DOP1B: variants seen among roughly 807,000 people sequenced by gnomAD.
The protein encoded by DOP1B is protein DOP1B.
Under a neutral mutation model 233.5 loss-of-function variants are expected in DOP1B, and 174 were observed. That is an observed-to-expected ratio of 0.75 (90% CI 0.66 to 0.85). The LOEUF (loss-of-function observed/expected upper bound fraction) is 0.85, where lower values mean the gene tolerates loss of function less well. Among genes scored for constraint, DOP1B ranks in the 40% least tolerant of loss-of-function variants. The pLI, the probability that DOP1B is intolerant of heterozygous loss-of-function variation, is 0.00. For synonymous variants in DOP1B, 1,190 were observed against 1,185.6 expected (o/e 1.00, Z -0.08); for missense variants, 2,652 against 2,846.6 (o/e 0.93, Z 1.56).
chr21:36,242,151 C>CATTATTGTTGTTGTTATT (rs60892353), intron 18 of DOP1B, among the ~76,000 whole-genome samples: 27 of 143,982 alleles, frequency 1.9e-4, no homozygotes, highest in South Asian at 1.1e-3. Context: ...GTTCCTTGGG[C>CATTATTGTTGTTGTTATT]ATTATTATTA....
At chr21:36,269,296 C>A (rs562052851) in intron 26 of DOP1B, among the ~76,000 whole-genome samples, 1 of 151,928 alleles carries the variant, frequency 6.6e-6, no homozygotes, top group African/African-American at 2.4e-5. Flanking sequence ...GCTGGGATTA[C>A]AGGCATGCAC....
rs560647867 is a variant in DOP1B at position 36,262,308 on chromosome 21, C to T, written c.5316-1238C>T. On this transcript the variant is annotated intron_variant, in intron 24 of 36. Coordinates refer to ENST00000691173, the MANE Select transcript of DOP1B (RefSeq NM_001320714.2). Reference sequence around the variant, plus strand: ...CCAGGAGCTGCAGGTTAGATTTGGTCATCCTCCTTTTGCAGAGGAGAAACC... The same window carrying T: ...CCAGGAGCTGCAGGTTAGATTTGGTTATCCTCCTTTTGCAGAGGAGAAACC... Among the ~76,000 whole-genome samples, 27 of 152,320 alleles carry T rather than the reference C, an allele frequency of 1.8e-4. No homozygotes were observed. The South Asian group carries it at 5.4e-3, about 30-fold the overall frequency.
At chr21:36,261,050 T>C (rs2067164435) in intron 24 of DOP1B, 1 of 1,077,500 alleles carries the variant, frequency 9.3e-7, no homozygotes. Flanking sequence ...TATAGGGAAG[T>C]GTTAAAGACC....
At chr21:36,225,755 C>A in intron 12 of DOP1B, 88 bp downstream of exon 12, 1 of 1,328,036 alleles carries the variant, frequency 7.5e-7, no homozygotes, top group Non-Finnish European at 1.1e-6. Flanking sequence ...CCTCACATTA[C>A]TGAAAATGTT....
At chr21:36,190,385 C>T (rs564496844) in intron 2 of DOP1B, among the ~76,000 whole-genome samples, 1 of 148,268 alleles carries the variant, frequency 6.7e-6, no homozygotes, top group Admixed American at 6.8e-5. Context: ...TTTTCCTGGC[C>T]AGTTCATCTC....
rs139244798 is a variant in DOP1B, at chr21:36,223,901, G to A, written c.1370+551G>A. Among the ~76,000 whole-genome samples the A allele has an allele frequency of 1.2e-4, 19 of 152,092 alleles. No homozygotes were observed. The East Asian group carries it at 2.7e-3, about 22-fold the overall frequency. On this transcript the variant is annotated intron_variant, in intron 11 of 36. Coordinates refer to ENST00000691173, the MANE Select transcript of DOP1B (RefSeq NM_001320714.2). Reference sequence around the variant, plus strand: ...CCCTTTCCCATGCCATTTTCTTTACGGGAGGAATAAGGTCATGTCTCAAAC... The same window carrying A: ...CCCTTTCCCATGCCATTTTCTTTACAGGAGGAATAAGGTCATGTCTCAAAC...
chr21:36,216,288 C>T (rs2066557455), intron 9 of DOP1B, among the ~76,000 whole-genome samples: 1 of 89,346 alleles, frequency 1.1e-5, no homozygotes. Context: ...TCCAGCCTGG[C>T]GACAGAGCAA....
rs1186069411 is a variant in DOP1B at position 36,227,754 on chromosome 21, T to C, written c.1542T>C (p.Ala514=). 5.0e-6 allele frequency: 8 copies of C among 1,613,140 alleles called. No homozygotes were observed. Among genetic ancestry groups the C allele is most frequent in the Non-Finnish European group, 6.8e-6 (8 of 1,179,236 alleles). The change falls in exon 13 of 37, where the codon GCT becomes GCC. Residue 514 remains alanine, a synonymous_variant. Coordinates refer to ENST00000691173, the MANE Select transcript of DOP1B (RefSeq NM_001320714.2). The part of the protein sequence containing the change: ...QVLGCLVQPL[A]EDMEALSLPE... ...TCGGCTGCCTGGTGCAGCCTCTTGC[T>C]GAGGACATGGAGGCCTTAAGTTTAC...
Position 36,211,543 on chromosome 21 carries a change from T to C in DOP1B, c.682-10T>C, listed in dbSNP as rs199690723. 738 of 1,613,252 alleles carry C rather than the reference T, an allele frequency of 4.6e-4. No homozygotes were observed. Among genetic ancestry groups the C allele is most frequent in the Non-Finnish European group, 4.2e-4 (500 of 1,179,188 alleles). Reference sequence around the variant, plus strand: ...GCCTGAAAATGCTAGTGCCGTTTGATCGTTTACAGGTGAAGTCTTTGCGTG... The same window carrying C: ...GCCTGAAAATGCTAGTGCCGTTTGACCGTTTACAGGTGAAGTCTTTGCGTG... On this transcript the variant is annotated splice_polypyrimidine_tract_variant and intron_variant, in intron 5 of 36. Transcript: ENST00000691173.
chr21:36,179,733 T>G (rs935637426), intron 2 of DOP1B, among the ~76,000 whole-genome samples: 3 of 152,072 alleles, frequency 2.0e-5, no homozygotes, highest in East Asian at 1.9e-4. Flanking sequence ...CCACTCAATC[T>G]TGTGTGTGTG....
At position 36,208,858 on chromosome 21, in the gene DOP1B, C is replaced by T. The variant is rs760886199; in HGVS notation, c.635C>T (p.Pro212Leu). ...FVVGHINRDA[P>L]GREQKYMLGT... ...GTGGGCCACATCAACAGGGATGCCC[C>T]CGGCCGGGAGCAGAAGTACATGCTG... The change falls in exon 5 of 37, where the codon CCC becomes CTC. Residue 212 changes from proline (P) to leucine (L), a missense_variant. By Grantham distance (98) the Pro-to-Leu change is moderately conservative. This residue lies in a region of DOP1B where 2,617 missense variants were observed against 2,794.3 expected (regional missense o/e 0.94). Coordinates refer to ENST00000691173, the MANE Select transcript of DOP1B (RefSeq NM_001320714.2). 1.3e-6 allele frequency: 2 copies of T among 1,572,998 alleles called. No individual in the cohort carries two copies. Among genetic ancestry groups the T allele is most frequent in the South Asian group, 1.2e-5 (1 of 84,922 alleles).
chr21:36,239,954 C>G lies in DOP1B; in HGVS notation c.3066C>G (p.Ala1022=). Residue 1022 remains alanine, a splice_region_variant and synonymous_variant, in exon 18 of 37, where the codon GCC becomes GCG. Transcript: ENST00000691173. The part of the protein sequence containing the change: ...SIHCLKQENS[A]DDLHRWFNRK... ...ACTGCCTCAAGCAGGAGAACTCGGC[C>G]GGTGAGCAGCCTGCACAGGACCCGA... is the stretch of plus-strand genomic sequence containing the variant. 1.2e-6 allele frequency: 2 copies of G among 1,607,602 alleles called. No individual in the cohort carries two copies. The highest frequency in any genetic ancestry group is 1.7e-6 in the Non-Finnish European group (2 of 1,178,124).
At chr21:36,171,880 G>T (rs1243106119) in intron 2 of DOP1B, among the ~76,000 whole-genome samples, 1 of 152,210 alleles carries the variant, frequency 6.6e-6, no homozygotes, top group Non-Finnish European at 1.5e-5. Context: ...TGCTCTCATG[G>T]AAAGAAATGA....
intron 26 of DOP1B, among the ~76,000 whole-genome samples, chr21:36,268,341 A>G (rs1338270810): frequency 6.6e-6 from 1 of 152,168 alleles, no homozygotes; most frequent in Non-Finnish European, 1.5e-5. Context: ...GCAAGAAGAA[A>G]AATATGGCTC....
intron 7 of DOP1B, 106 bp downstream of exon 7, chr21:36,212,203 A>G (rs2066507299): frequency 1.5e-6 from 2 of 1,311,128 alleles, no homozygotes; most frequent in Admixed American, 2.7e-5. Context: ...TGAATCATGA[A>G]GTATGGAAAG....
At position 36,245,310 on chromosome 21, in the gene DOP1B, CGA is replaced by C; in HGVS notation, c.3332_3333del (p.Glu1111ValfsTer79). On this transcript the variant is annotated frameshift_variant, in exon 19 of 37. Transcript: ENST00000691173. LOFTEE classifies it high-confidence loss of function. The surrounding 1 kb of genome is among the most constrained non-coding windows in gnomAD (Gnocchi z 5.5). ...HGAPDSSEHT[E>X]SADTSSCHTD... ...GCGCCCCGGACAGCAGCGAGCACAC[CGA>C]GTCTGCAGATACAAGCTCCTGCCAC... 1 of 1,614,090 alleles carries C rather than the reference CGA, an allele frequency of 6.2e-7. No individual in the cohort carries two copies. Among genetic ancestry groups the C allele is most frequent in the Non-Finnish European group, 8.5e-7 (1 of 1,180,036 alleles).
At position 36,227,740 on chromosome 21, in the gene DOP1B, G is replaced by A. The variant is rs777559924; in HGVS notation, c.1528G>A (p.Val510Met). Residue 510 changes from valine to methionine, a missense_variant, in exon 13 of 37, where the codon GTG (valine) becomes ATG (methionine). By Grantham distance (21) the Val-to-Met change is conservative (BLOSUM62 1). Transcript: ENST00000691173. ...TCTCCCTCAGGTGCTCGGCTGCCTG[G>A]TGCAGCCTCTTGCTGAGGACATGGA... Reference protein sequence around the residue: ...QYLPQVLGCLVQPLAEDMEAL... With the variant: ...QYLPQVLGCLMQPLAEDMEAL... 2.5e-6 allele frequency: 4 copies of A among 1,610,882 alleles called. No individual in the cohort carries two copies. The South Asian group carries it at 3.3e-5, about 13-fold the overall frequency.
chr21:36,233,852 C>G (rs1018823298), intron 15 of DOP1B, among the ~76,000 whole-genome samples: 2 of 152,008 alleles, frequency 1.3e-5, no homozygotes, highest in Non-Finnish European at 2.9e-5. Context: ...TGCTCATTGA[C>G]TTTTTTTGTT....
chr21:36,237,179 G>T (rs1285975322), intron 15 of DOP1B, 83 bp from the exon 16 acceptor site: 1 of 1,569,354 alleles, frequency 6.4e-7, no homozygotes, highest in Non-Finnish European at 8.7e-7. Context: ...GTATGTCGGG[G>T]CTGGGACTGA....
Sources: allele counts gnomAD v4.1 joint callset (sites outside exome capture counted in the v4.1 genomes callset), GRCh38; gene constraint gnomAD v4.1.1; regional missense constraint gnomAD v4.1.1; non-coding constraint Gnocchi (gnomAD v3.1); transcripts MANE v1.5; gene names NCBI Gene and HGNC (gene_info 2026-07-23, HGNC 2026-07-21).